AIG1: variants seen among roughly 807,000 people sequenced by gnomAD.
The protein encoded by AIG1 is androgen-induced gene 1 protein.
Under a neutral mutation model 31.4 loss-of-function variants are expected in AIG1, and 23 were observed. That is an observed-to-expected ratio of 0.73 (90% CI 0.53 to 1.04). AIG1 has a LOEUF of 1.04. Ranked by LOEUF, AIG1 falls within the 50% of genes least tolerant of loss-of-function variation. AIG1 has a pLI of 0.00. For missense variants in AIG1, 274 were observed against 295.0 expected, an observed-to-expected ratio of 0.93 and a Z score of 0.52; for synonymous variants, 100 against 110.5, an observed-to-expected ratio of 0.90 and a Z score of 0.60.
At chr6:143,252,245 G>A (rs1795060799) in intron 3 of AIG1, among the ~76,000 whole-genome samples, 1 of 152,090 alleles carries the variant, frequency 6.6e-6, no homozygotes, top group African/African-American at 2.4e-5. Flanking sequence ...TCAGTCTCCC[G>A]AGTAGCTGGG....
At chr6:143,133,721 T>C (rs1301318553) in intron 1 of AIG1, among the ~76,000 whole-genome samples, 1 of 152,112 alleles carries the variant, frequency 6.6e-6, no homozygotes, top group South Asian at 2.1e-4. Flanking sequence ...CCTGGTCCAG[T>C]TACTATATCA....
chr6:143,113,961 A>G (rs549172717), intron 1 of AIG1, among the ~76,000 whole-genome samples: 20 of 151,924 alleles, frequency 1.3e-4, no homozygotes, highest in Non-Finnish European at 2.8e-4. Context: ...TTTTTAGTAG[A>G]GATGGGGTTT....
chr6:143,257,908 AC>A (rs537688261), intron 3 of AIG1, among the ~76,000 whole-genome samples: 198 of 151,708 alleles, frequency 1.3e-3, no homozygotes, highest in Middle Eastern at 3.4e-3. Flanking sequence ...AGAGGCTGAG[AC>A]CCCCCTAAAG....
intron 2 of AIG1, among the ~76,000 whole-genome samples, chr6:143,163,403 C>G (rs1786601098): frequency 6.6e-6 from 1 of 152,220 alleles, no homozygotes. Context: ...TTCTTCTGAT[C>G]TCATAGCATC....
intron 4 of AIG1, among the ~76,000 whole-genome samples, chr6:143,307,250 G>A (rs1234688708): frequency 1.3e-5 from 2 of 152,240 alleles, no homozygotes; most frequent in Non-Finnish European, 2.9e-5. Flanking sequence ...GTGAGAAACT[G>A]TGTTCCTTTG....
chr6:143,188,154 G>A, intron 3 of AIG1: 1 of 999,998 alleles, frequency 1.0e-6, no homozygotes, highest in Non-Finnish European at 1.2e-6. Flanking sequence ...AATGGATAGA[G>A]AAAAGATGGG....
chr6:143,071,968 T>C (rs1032351735), intron 1 of AIG1, among the ~76,000 whole-genome samples: 2 of 151,866 alleles, frequency 1.3e-5, no homozygotes, highest in African/African-American at 4.8e-5. Context: ...TTAAATTTTT[T>C]TTTTGTGCAG....
At chr6:143,203,876 A>G (rs1790900218) in intron 3 of AIG1, among the ~76,000 whole-genome samples, 1 of 152,188 alleles carries the variant, frequency 6.6e-6, no homozygotes, top group Non-Finnish European at 1.5e-5. Context: ...CCACTTTAGA[A>G]TGGAGGTTGT....
chr6:143,107,362 C>T lies in AIG1; in HGVS notation c.142-29473C>T, dbSNP rs559784828. ...TGAATAAATATGGAATATAAGTGGA[C>T]AATTTATTTAGACAGATAAAAGTCT... On this transcript the variant is annotated intron_variant, in intron 1 of 5. Transcript: ENST00000357847. Among the ~76,000 whole-genome samples the T allele has an allele frequency of 2.1e-3, 314 of 152,202 alleles. 3 individuals carry two copies. The highest frequency in any genetic ancestry group is 7.0e-3 in the African/African-American group (292 of 41,538).
Position 143,121,037 on chromosome 6 carries a change from G to A in AIG1, c.142-15798G>A, listed in dbSNP as rs557353907. 6.1e-4 allele frequency among the ~76,000 whole-genome samples: 93 copies of A among 152,214 alleles called. 1 individual carries two copies. The highest frequency in any genetic ancestry group is 3.4e-3 in the Middle Eastern group (1 of 294). On this transcript the variant is annotated intron_variant, in intron 1 of 5. Coordinates refer to ENST00000357847, the MANE Select transcript of AIG1 (RefSeq NM_016108.4). ...CTAGCCCAACCCATCCTTTTATTTC[G>A]GCCCATCCCTTTGTTTCCCATAAGG...
At chr6:143,267,011 G>A (rs775886191) in intron 3 of AIG1, among the ~76,000 whole-genome samples, 19 of 152,014 alleles carry the variant, frequency 1.2e-4, no homozygotes, top group Non-Finnish European at 1.5e-4. Context: ...ACATGAATCA[G>A]AAAAGCGACC....
chr6:143,339,477 T>C, intron 5 of AIG1, 162 bp from the exon 6 acceptor site: 1 of 613,282 alleles, frequency 1.6e-6, no homozygotes, highest in Non-Finnish European at 2.7e-6. Flanking sequence ...TGTGCATGGC[T>C]TTCCTTCTTA....
intron 3 of AIG1, among the ~76,000 whole-genome samples, chr6:143,175,526 G>T (rs1307021209): frequency 6.6e-6 from 1 of 151,994 alleles, no homozygotes; most frequent in African/African-American, 2.4e-5. Flanking sequence ...ATTTGTCTTT[G>T]TTGAGTTGGG....
chr6:143,156,185 G>A (rs1462854732), intron 2 of AIG1, among the ~76,000 whole-genome samples: 1 of 152,156 alleles, frequency 6.6e-6, no homozygotes, highest in Non-Finnish European at 1.5e-5. Flanking sequence ...TCTCTTGTAG[G>A]TATATAAAAA....
At chr6:143,107,076 C>T (rs1220826919) in intron 1 of AIG1, among the ~76,000 whole-genome samples, 2 of 152,096 alleles carry the variant, frequency 1.3e-5, no homozygotes, top group African/African-American at 4.8e-5. Context: ...TTGATCAGTT[C>T]TTCGTCTCCC....
chr6:143,085,022 G>A (rs1488318279), intron 1 of AIG1, among the ~76,000 whole-genome samples: 1 of 152,192 alleles, frequency 6.6e-6, no homozygotes, highest in Non-Finnish European at 1.5e-5. Context: ...TGGGGTTAGT[G>A]TCTGATCTAG....
At chr6:143,075,214 A>G (rs762724398) in intron 1 of AIG1, among the ~76,000 whole-genome samples, 6 of 152,054 alleles carry the variant, frequency 3.9e-5, no homozygotes, top group African/African-American at 9.7e-5. Flanking sequence ...TAGGAGTTAA[A>G]CAAATTTTTA....
At chr6:143,215,019 A>G (rs1469686056) in intron 3 of AIG1, among the ~76,000 whole-genome samples, 2 of 151,746 alleles carry the variant, frequency 1.3e-5, no homozygotes, top group East Asian at 1.9e-4. Flanking sequence ...TCCTTCATTG[A>G]CCTGGGACTT....
intron 3 of AIG1, among the ~76,000 whole-genome samples, chr6:143,239,831 A>G (rs952789392): frequency 2.0e-5 from 3 of 152,188 alleles, no homozygotes; most frequent in Non-Finnish European, 4.4e-5. Flanking sequence ...AACTCATCTC[A>G]TATTCTCCTG....
Sources: gnomAD v4.1 joint callset for allele counts (sites outside exome capture counted in the v4.1 genomes callset) on GRCh38, gnomAD v4.1.1 for gene constraint, MANE v1.5 for transcripts, NCBI Gene and HGNC (gene_info 2026-07-23, HGNC 2026-07-21) for gene names.